BCAS3: variants seen among roughly 807,000 people sequenced by gnomAD.
BCAS3 encodes BCAS4/BCAS3 fusion.
A neutral mutation model predicts 116.1 loss-of-function variants in BCAS3; 53 were observed. The observed-to-expected ratio is 0.46, with a 90% CI of 0.37 to 0.57. BCAS3 has a LOEUF of 0.57. BCAS3 is among the 20% of genes least tolerant of loss of function. The probability of loss-of-function intolerance (pLI) is 0.00; values close to 1 mark genes in which losing one functional copy is unlikely to be tolerated. For synonymous variants in BCAS3, 391 were observed against 408.2 expected, an observed-to-expected ratio of 0.96 and a Z score of 0.51; for missense variants, 917 against 1,165.4, an observed-to-expected ratio of 0.79 and a Z score of 3.10.
chr17:60,788,014 TC>T (rs1401454134), intron 6 of BCAS3, among the ~76,000 whole-genome samples: 2 of 152,060 alleles, frequency 1.3e-5, no homozygotes, highest in African/African-American at 2.4e-5. Flanking sequence ...AAGTTTGAGT[TC>T]TCATATGTTG....
At position 61,118,748 on chromosome 17, in the gene BCAS3, T is replaced by C. The variant is rs1024561678; in HGVS notation, c.2425+34184T>C. Among the ~76,000 whole-genome samples the C allele has an allele frequency of 1.1e-4, 17 of 152,152 alleles. No individual in the cohort carries two copies. The highest frequency in any genetic ancestry group is 4.1e-4 in the African/African-American group (17 of 41,420). On this transcript the variant is annotated intron_variant, in intron 22 of 23. Transcript: ENST00000407086. The surrounding 1 kb of genome is among the most constrained non-coding windows in gnomAD (Gnocchi z 5.0). ...TTTGGCAAGAGAGAGCAGCCTTTTG[T>C]TGTGACAAAAGCATAGACAGACCTT...
intron 19 of BCAS3, among the ~76,000 whole-genome samples, chr17:61,072,957 C>T (rs1203352117): frequency 6.6e-6 from 1 of 152,136 alleles, no homozygotes; most frequent in East Asian, 1.9e-4. Flanking sequence ...TACATATTTT[C>T]CATATTCACA....
chr17:61,191,721 G>C (rs543452158), intron 22 of BCAS3, among the ~76,000 whole-genome samples: 1 of 151,366 alleles, frequency 6.6e-6, no homozygotes, highest in South Asian at 2.1e-4. Context: ...CTTGCTGTGA[G>C]CCGAGATCGC....
At chr17:60,918,788 GT>G (rs2058916715) in intron 12 of BCAS3, among the ~76,000 whole-genome samples, 1 of 150,924 alleles carries the variant, frequency 6.6e-6, no homozygotes, top group South Asian at 2.1e-4. Context: ...CGCATCCCGG[GT>G]TTACGGTATT....
rs2059375375 is a variant in BCAS3 at position 61,377,146 on chromosome 17, T to A, written c.2593+8652T>A. 6.6e-6 allele frequency among the ~76,000 whole-genome samples: 1 copy of A among 152,136 alleles called. No individual in the cohort carries two copies. Among genetic ancestry groups the A allele is most frequent in the African/African-American group, 2.4e-5 (1 of 41,422 alleles). On this transcript the variant is annotated intron_variant, in intron 23 of 23. Transcript: ENST00000407086. This position sits in a 1 kb window ranked among gnomAD's most constrained non-coding sequence, Gnocchi z 4.6. ...GTGCTCCCCTGCCCACAGGGCATGG[T>A]CTTTCTAGGATGCGGAGGCAAAGCT...
At chr17:60,892,071 G>T (rs1239981412) in intron 10 of BCAS3, among the ~76,000 whole-genome samples, 1 of 152,084 alleles carries the variant, frequency 6.6e-6, no homozygotes, top group Non-Finnish European at 1.5e-5. Context: ...ACCTAGTTTG[G>T]TTCCATGACT....
intron 6 of BCAS3, among the ~76,000 whole-genome samples, chr17:60,785,032 G>A (rs2046167335): frequency 6.6e-6 from 1 of 152,174 alleles, no homozygotes. Flanking sequence ...TGGGGAGGCA[G>A]AGGTTTCAGT....
chr17:60,739,076 A>G (rs1036784928), intron 5 of BCAS3, among the ~76,000 whole-genome samples: 1 of 152,256 alleles, frequency 6.6e-6, no homozygotes, highest in East Asian at 1.9e-4. Flanking sequence ...TTTGCAATAC[A>G]TTTATAACCA....
intron 9 of BCAS3, among the ~76,000 whole-genome samples, chr17:60,879,307 A>G (rs1441893086): frequency 6.6e-6 from 1 of 152,198 alleles, no homozygotes; most frequent in Non-Finnish European, 1.5e-5. Flanking sequence ...TTTGTATAAT[A>G]CCTTTTTAGT....
rs374073010 is a variant in BCAS3, at chr17:61,170,383, C to T, written c.2425+85819C>T. On this transcript the variant is annotated intron_variant, in intron 22 of 23. Transcript: ENST00000407086. ...CCTTGGCTCACTGCAAGCTCCACCT[C>T]GAGGGTTCACACCATTCTCCTGCCT... Among the ~76,000 whole-genome samples, 93 of 152,138 alleles carry T rather than the reference C, an allele frequency of 6.1e-4. 2 individuals are homozygous for T. The East Asian group carries it at 8.7e-3, about 14-fold the overall frequency.
At chr17:61,291,209 T>TAAAC (rs545870502) in intron 22 of BCAS3, among the ~76,000 whole-genome samples, 11 of 152,182 alleles carry the variant, frequency 7.2e-5, no homozygotes, top group South Asian at 6.2e-4. Context: ...ATTGGTGATT[T>TAAAC]AAACAAACAA....
At chr17:61,292,895 A>G (rs1449690183) in intron 22 of BCAS3, among the ~76,000 whole-genome samples, 2 of 152,232 alleles carry the variant, frequency 1.3e-5, no homozygotes, top group Non-Finnish European at 2.9e-5. Context: ...CATACAGAAT[A>G]TTTGCAAAGC....
At chr17:60,682,068 A>G (rs2033240418) in intron 2 of BCAS3, among the ~76,000 whole-genome samples, 1 of 152,126 alleles carries the variant, frequency 6.6e-6, no homozygotes, top group Non-Finnish European at 1.5e-5. Flanking sequence ...GTTTCATCAA[A>G]TTGGCTAGGC....
At chr17:60,865,554 T>C (rs1599272626) in intron 7 of BCAS3, among the ~76,000 whole-genome samples, 1 of 152,332 alleles carries the variant, frequency 6.6e-6, no homozygotes, top group Middle Eastern at 3.4e-3. Context: ...TTGCAAATAC[T>C]TTCAGTTTCA....
rs1465648216 is a variant in BCAS3 at position 60,868,660 on chromosome 17, T to G, written c.561T>G (p.Ile187Met). 2.6e-5 allele frequency: 41 copies of G among 1,594,024 alleles called. No individual in the cohort carries two copies. The highest frequency in any genetic ancestry group is 3.5e-5 in the Non-Finnish European group (41 of 1,171,036). Residue 187 changes from isoleucine (I) to methionine (M), a missense_variant, in exon 8 of 24, where the codon ATT becomes ATG. By Grantham distance (10) the Ile-to-Met change is conservative (BLOSUM62 1). Coordinates refer to ENST00000407086, the MANE Select transcript of BCAS3 (RefSeq NM_017679.5). Reference sequence around the variant, plus strand: ...AGTCCATTCAATTTAAGACACCTATTTATGATCTCCATTGCAATAAACGGT... The same window carrying G: ...AGTCCATTCAATTTAAGACACCTATGTATGATCTCCATTGCAATAAACGGT... Reference protein sequence around the residue: ...MVKSIQFKTPIYDLHCNKRIL... With the variant: ...MVKSIQFKTPMYDLHCNKRIL...
rs1196667925 is a variant in BCAS3, at chr17:61,327,886, A to G, written c.2426-40441A>G. Among the ~76,000 whole-genome samples, 1 of 152,204 alleles carries G rather than the reference A, an allele frequency of 6.6e-6. No individual in the cohort carries two copies. The highest frequency in any genetic ancestry group is 2.4e-5 in the African/African-American group (1 of 41,448). Reference sequence around the variant, plus strand: ...GGTAGGTGTGACTTTAAGGTTTGCAATGGTTGATCAGACACTGTTGGTGTA... The same window carrying G: ...GGTAGGTGTGACTTTAAGGTTTGCAGTGGTTGATCAGACACTGTTGGTGTA... On this transcript the variant is annotated intron_variant, in intron 22 of 23. Transcript: ENST00000407086. The surrounding 1 kb of genome is among the most constrained non-coding windows in gnomAD (Gnocchi z 5.9).
chr17:61,195,051 C>CT (rs2080393648), intron 22 of BCAS3, among the ~76,000 whole-genome samples: 1 of 152,240 alleles, frequency 6.6e-6, no homozygotes, highest in South Asian at 2.1e-4. Flanking sequence ...AGTTAAGACT[C>CT]TGTCGATCTG....
intron 10 of BCAS3, among the ~76,000 whole-genome samples, chr17:60,894,158 G>T (rs2057361127): frequency 1.3e-5 from 2 of 151,956 alleles, no homozygotes; most frequent in African/African-American, 4.8e-5. Context: ...TGAATCTATA[G>T]ATTTCTCTGG....
rs2032659711 is a variant in BCAS3 at position 60,679,541 on chromosome 17, G to A, written c.83+1G>A. The A allele has an allele frequency of 1.2e-6, 2 of 1,607,860 alleles. No individual in the cohort carries two copies. The highest frequency in any genetic ancestry group is 1.1e-5 in the South Asian group (1 of 90,584). Reference sequence around the variant, plus strand: ...TTGTGGTTCGCCCCCAGGCTGTCACGTAAGCACATTTCAGATAAACCCAAT... The same window carrying A: ...TTGTGGTTCGCCCCCAGGCTGTCACATAAGCACATTTCAGATAAACCCAAT... On this transcript the variant is annotated splice_donor_variant, in intron 2 of 23. Coordinates refer to ENST00000407086, the MANE Select transcript of BCAS3 (RefSeq NM_017679.5). LOFTEE classifies it high-confidence loss of function.
Sources: gnomAD v4.1 joint callset for allele counts (sites outside exome capture counted in the v4.1 genomes callset) on GRCh38, gnomAD v4.1.1 for gene constraint, Gnocchi (gnomAD v3.1) non-coding constraint, MANE v1.5 for transcripts, NCBI Gene and HGNC (gene_info 2026-07-23, HGNC 2026-07-21) for gene names.